EBF2: variants seen among roughly 807,000 people sequenced by gnomAD.
EBF2 encodes EBF transcription factor 2.
Under a neutral mutation model 72.8 loss-of-function variants are expected in EBF2, and 21 were observed. The ratio of observed to expected loss-of-function variants is 0.29; its 90% CI spans 0.20 to 0.42. The LOEUF (loss-of-function observed/expected upper bound fraction) is 0.42. Among genes scored for constraint, EBF2 ranks in the 10% least tolerant of loss-of-function variants. The probability of loss-of-function intolerance (pLI) is 1.00; values close to 1 mark genes in which losing one functional copy is unlikely to be tolerated. For synonymous variants in EBF2, 299 were observed against 274.2 expected (o/e 1.09, Z -0.89); for missense variants, 637 against 731.2 (o/e 0.87, Z 1.49).
chr8:25,867,978 T>C (rs1449384917), intron 10 of EBF2, among the ~76,000 whole-genome samples: 3 of 152,176 alleles, frequency 2.0e-5, no homozygotes, highest in African/African-American at 7.2e-5. Flanking sequence ...CGATCTAGAG[T>C]TCCCCTCCCC....
chr8:25,986,525 G>A (rs73675765), intron 6 of EBF2, among the ~76,000 whole-genome samples: 2,326 of 152,222 alleles, frequency 0.015, 68 homozygotes, highest in African/African-American at 0.054. Flanking sequence ...CACCTTGTTC[G>A]ATGCTTGACT....
At chr8:25,847,902 G>A (rs1293476163) in intron 15 of EBF2, among the ~76,000 whole-genome samples, 4 of 152,008 alleles carry the variant, frequency 2.6e-5, no homozygotes, top group African/African-American at 9.7e-5. Context: ...CTTTTAGAGA[G>A]ACTACATATG....
chr8:26,017,147 C>A (rs1292446799), intron 6 of EBF2, among the ~76,000 whole-genome samples: 3 of 142,632 alleles, frequency 2.1e-5, no homozygotes, highest in African/African-American at 5.3e-5. Flanking sequence ...CATGCAGTCC[C>A]CTTATTTAAA....
intron 10 of EBF2, among the ~76,000 whole-genome samples, chr8:25,863,733 C>T (rs1202104754): frequency 6.6e-6 from 1 of 151,920 alleles, no homozygotes; most frequent in East Asian, 1.9e-4. Context: ...CATAACAATG[C>T]CTCTTGTAAA....
At chr8:26,012,195 T>C (rs34245615) in intron 6 of EBF2, among the ~76,000 whole-genome samples, 70,679 of 151,944 alleles carry the variant, frequency 0.47, 17,183 homozygotes, top group East Asian at 0.79. Context: ...AGTCCAAAGG[T>C]GGGTTGGGGG....
At chr8:25,894,671 C>T (rs1802838229) in intron 7 of EBF2, among the ~76,000 whole-genome samples, 1 of 152,180 alleles carries the variant, frequency 6.6e-6, no homozygotes, top group South Asian at 2.1e-4. Flanking sequence ...CACAAGGACA[C>T]CTTTGACCTT....
intron 10 of EBF2, among the ~76,000 whole-genome samples, chr8:25,880,082 C>T (rs1484670260): frequency 6.6e-6 from 1 of 152,126 alleles, no homozygotes; most frequent in African/African-American, 2.4e-5. Flanking sequence ...TAACGTTCTC[C>T]TCTTTTTCCA....
chr8:26,010,472 T>C (rs1804959558), intron 6 of EBF2, among the ~76,000 whole-genome samples: 3 of 152,132 alleles, frequency 2.0e-5, no homozygotes. Context: ...GAGAAGGTGT[T>C]AAAATGCAAC....
At chr8:25,876,071 T>C (rs1201260535) in intron 10 of EBF2, among the ~76,000 whole-genome samples, 1 of 152,218 alleles carries the variant, frequency 6.6e-6, no homozygotes, top group Non-Finnish European at 1.5e-5. Flanking sequence ...TGTGGAATAC[T>C]ATGCAGCCAT....
At position 26,033,090 on chromosome 8, in the gene EBF2, A is replaced by C. The variant is rs1805435780; in HGVS notation, c.546T>G (p.Ile182Met). The C allele has an allele frequency of 4.3e-6, 7 of 1,614,126 alleles. No homozygotes were observed. Among genetic ancestry groups the C allele is most frequent in the Non-Finnish European group, 5.9e-6 (7 of 1,179,982 alleles). ...AAATCACTTTTTCCCCCTACCTGTC[A>C]ATTATGACTGGGTCCGATGGAGTCT... ...RNETPSDPVI[I>M]DRFFLKFFLK... is the part of the protein sequence containing the mutation. The change falls in exon 6 of 16, where the codon ATT (isoleucine) becomes ATG (methionine). Residue 182 changes from isoleucine (I) to methionine (M), a missense_variant. Physicochemically the swap from Ile to Met is conservative, Grantham distance 10 (BLOSUM62 1). Coordinates refer to ENST00000520164, the MANE Select transcript of EBF2 (RefSeq NM_022659.4).
intron 10 of EBF2, among the ~76,000 whole-genome samples, chr8:25,874,315 G>C (rs1802485589): frequency 1.3e-5 from 2 of 152,142 alleles, no homozygotes; most frequent in South Asian, 2.1e-4. Context: ...ATTTGGGGGT[G>C]TGTGGAAAAA....
At chr8:25,967,273 C>G (rs998938599) in intron 6 of EBF2, among the ~76,000 whole-genome samples, 1 of 152,120 alleles carries the variant, frequency 6.6e-6, no homozygotes, top group Non-Finnish European at 1.5e-5. Flanking sequence ...TTAGAAGATA[C>G]AAAGAAAAAC....
At chr8:25,862,300 C>A (rs76637637) in intron 11 of EBF2, among the ~76,000 whole-genome samples, 1 of 152,162 alleles carries the variant, frequency 6.6e-6, no homozygotes, top group Non-Finnish European at 1.5e-5. Flanking sequence ...TTTTTCTCCT[C>A]ATTAGATACC....
chr8:25,912,475 C>CACACACAT (rs1404283433), intron 6 of EBF2, among the ~76,000 whole-genome samples: 1 of 141,004 alleles, frequency 7.1e-6, no homozygotes, highest in Non-Finnish European at 1.6e-5. Flanking sequence ...GGCACACACA[C>CACACACAT]ACACACACAC....
chr8:25,916,672 T>A (rs928891249), intron 6 of EBF2, among the ~76,000 whole-genome samples: 1 of 152,076 alleles, frequency 6.6e-6, no homozygotes, highest in Non-Finnish European at 1.5e-5. Context: ...ATTAATCCAC[T>A]CTCACAGATA....
At chr8:25,857,761 G>A (rs1802123787) in intron 14 of EBF2, among the ~76,000 whole-genome samples, 1 of 152,144 alleles carries the variant, frequency 6.6e-6, no homozygotes, top group South Asian at 2.1e-4. Context: ...CCTCTCTGGA[G>A]GTACTGAAAG....
chr8:25,910,026 A>G (rs1258099232), intron 6 of EBF2, among the ~76,000 whole-genome samples: 1 of 152,020 alleles, frequency 6.6e-6, no homozygotes, highest in Non-Finnish European at 1.5e-5. Context: ...TGGGGTCTTT[A>G]TGGAAGAGAC....
At position 25,860,395 on chromosome 8, in the gene EBF2, C is replaced by T. The variant is rs775531932; in HGVS notation, c.1342+654G>A. ...TCTTTCCAGTATTCAATCTGATAAT[C>T]ACAATAACAGAAGCATAAATTTCTT... On this transcript the variant is annotated intron_variant, in intron 13 of 15. Transcript: ENST00000520164. Among the ~76,000 whole-genome samples the T allele has an allele frequency of 7.2e-5, 11 of 152,090 alleles. No individual in the cohort carries two copies. In the East Asian group the frequency reaches 2.1e-3, roughly 29 times the overall value.
chr8:25,847,927 C>T (rs1168871394), intron 15 of EBF2, among the ~76,000 whole-genome samples: 2 of 152,132 alleles, frequency 1.3e-5, no homozygotes, highest in South Asian at 2.1e-4. Context: ...ACAGTGGATA[C>T]TGCTAAGGTA....
Sources: gnomAD v4.1 joint callset for allele counts (sites outside exome capture counted in the v4.1 genomes callset) on GRCh38, gnomAD v4.1.1 for gene constraint, MANE v1.5 for transcripts, NCBI Gene and HGNC (gene_info 2026-07-23, HGNC 2026-07-21) for gene names.